LRCH3: variants seen among roughly 807,000 people sequenced by gnomAD.
LRCH3 encodes leucine rich repeats and calponin homology domain containing 3.
Under a neutral mutation model 104.5 loss-of-function variants are expected in LRCH3, and 68 were observed. That is an observed-to-expected ratio of 0.65 (90% CI 0.54 to 0.80). The LOEUF (loss-of-function observed/expected upper bound fraction) is 0.80, where lower values mean the gene tolerates loss of function less well. Among genes scored for constraint, LRCH3 ranks in the 30% least tolerant of loss-of-function variants. LRCH3 has a pLI of 0.00. For missense variants in LRCH3, 951 were observed against 953.9 expected (o/e 1.00, Z 0.04); for synonymous variants, 344 against 361.3 (o/e 0.95, Z 0.54).
At chr3:197,821,729 C>T (rs1734513552) in intron 4 of LRCH3, among the ~76,000 whole-genome samples, 1 of 152,232 alleles carries the variant, frequency 6.6e-6, no homozygotes, top group Non-Finnish European at 1.5e-5. Flanking sequence ...GGCTAGAGTG[C>T]AGTGGCACGA....
chr3:197,817,360 G>GTGTGTGTTTATATATATA, intron 3 of LRCH3, 58 bp downstream of exon 3: 1 of 77,940 alleles, frequency 1.3e-5, no homozygotes, highest in Non-Finnish European at 1.8e-5. Flanking sequence ...GTGTGTGTGT[G>GTGTGTGTTTATATATATA]TATATATATA....
intron 1 of LRCH3, among the ~76,000 whole-genome samples, chr3:197,792,640 T>TA (rs58178290): frequency 9.4e-6 from 1 of 106,008 alleles, no homozygotes; most frequent in East Asian, 2.8e-4. Context: ...CATATAAATA[T>TA]TATATATAAA....
chr3:197,882,530 A>G (rs868774262), intron 20 of LRCH3: 1 of 943,244 alleles, frequency 1.1e-6, no homozygotes, highest in Middle Eastern at 5.5e-4. Flanking sequence ...AACAAAAAAC[A>G]AAAAACAAAA....
intron 1 of LRCH3, among the ~76,000 whole-genome samples, chr3:197,804,658 C>A (rs988906588): frequency 6.6e-6 from 1 of 152,168 alleles, no homozygotes; most frequent in Non-Finnish European, 1.5e-5. Flanking sequence ...AAGACTGTTA[C>A]TTGCTCAGCT....
At chr3:197,833,366 A>G (rs546073426) in intron 8 of LRCH3, among the ~76,000 whole-genome samples, 12 of 32,500 alleles carry the variant, frequency 3.7e-4, no homozygotes, top group African/African-American at 1.6e-3. Flanking sequence ...CTAAAAACCG[A>G]AAAAAAAAAA....
At chr3:197,864,713 T>C (rs1238832362) in intron 15 of LRCH3, among the ~76,000 whole-genome samples, 13 of 148,820 alleles carry the variant, frequency 8.7e-5, no homozygotes, top group South Asian at 4.2e-4. Context: ...CTTCTTCTTT[T>C]TTTTTTTTTT....
At chr3:197,793,749 G>T (rs1730885025) in intron 1 of LRCH3, among the ~76,000 whole-genome samples, 1 of 151,976 alleles carries the variant, frequency 6.6e-6, no homozygotes, top group Non-Finnish European at 1.5e-5. Context: ...TTTTTTGTTG[G>T]TTGATTTTTC....
chr3:197,831,004 C>G, intron 7 of LRCH3, 141 bp downstream of exon 7: 1 of 668,926 alleles, frequency 1.5e-6, no homozygotes, highest in East Asian at 2.9e-5. Context: ...GATTCCCACC[C>G]TCTCCAGCAG....
At chr3:197,880,151 T>C (rs1448140926) in intron 20 of LRCH3, among the ~76,000 whole-genome samples, 6 of 151,416 alleles carry the variant, frequency 4.0e-5, no homozygotes, top group African/African-American at 4.9e-5. Flanking sequence ...TTCACCGTGT[T>C]AGCCGGGATG....
chr3:197,887,876 T>G lies in LRCH3; in HGVS notation c.*4210T>G, dbSNP rs1156878961. 1 of 153,948 alleles carries G rather than the reference T, an allele frequency of 6.5e-6. No homozygotes were observed. The highest frequency in any genetic ancestry group is 1.5e-5 in the Non-Finnish European group (1 of 68,852). 9.5% of individuals were successfully genotyped at this position (153,948 alleles called of 1,614,324 possible). ...GAGCCCTTGCCACGTACAGAGATTTTCTGTCAGCAGTTTCCCAGTATTTCA... is the reference window on the plus strand; with the variant it reads ...GAGCCCTTGCCACGTACAGAGATTTGCTGTCAGCAGTTTCCCAGTATTTCA... On this transcript the variant is annotated 3_prime_UTR_variant, in exon 21 of 21. Transcript: ENST00000425562.
At chr3:197,820,148 G>A (rs1386361951) in intron 3 of LRCH3, among the ~76,000 whole-genome samples, 177 bp from the exon 4 acceptor site, 2 of 152,104 alleles carry the variant, frequency 1.3e-5, no homozygotes, top group Admixed American at 1.3e-4. Flanking sequence ...TCAGAATTAT[G>A]GTATTCTGAA....
intron 2 of LRCH3, among the ~76,000 whole-genome samples, chr3:197,816,770 A>G (rs1299536444): frequency 1.3e-5 from 2 of 152,182 alleles, no homozygotes; most frequent in Admixed American, 6.6e-5. Flanking sequence ...GAAGTAGATT[A>G]TAAGTTTTGT....
In LRCH3 at chr3:197,817,300, C is replaced by A; in HGVS notation, c.532C>A (p.Leu178Ile). 1.3e-6 allele frequency: 2 copies of A among 1,554,734 alleles called. No individual in the cohort carries two copies. Among genetic ancestry groups the A allele is most frequent in the Middle Eastern group, 1.7e-4 (1 of 5,834 alleles). ...EIGHLRHLMELDVSCNEIQTI... is the reference protein window; with the variant it reads ...EIGHLRHLMEIDVSCNEIQTI... Reference sequence around the variant, plus strand: ...TGGACACCTTAGACATTTGATGGAACTTGTAAGTTAATATTTTTGATTGTC... The same window carrying A: ...TGGACACCTTAGACATTTGATGGAAATTGTAAGTTAATATTTTTGATTGTC... Residue 178 changes from leucine (L) to isoleucine (I), a missense_variant and splice_region_variant, in exon 3 of 21, where the codon CTT (leucine) becomes ATT (isoleucine). Coordinates refer to ENST00000425562, the MANE Select transcript of LRCH3 (RefSeq NM_001365715.1).
intron 4 of LRCH3, among the ~76,000 whole-genome samples, chr3:197,823,687 A>G (rs1734763339): frequency 6.6e-6 from 1 of 151,394 alleles, no homozygotes. Flanking sequence ...CAAGGGTCTC[A>G]CCATGTTCCC....
chr3:197,831,565 G>A (rs994786208), intron 7 of LRCH3, among the ~76,000 whole-genome samples: 3 of 151,282 alleles, frequency 2.0e-5, no homozygotes, highest in Non-Finnish European at 4.4e-5. Context: ...TGGTGGGTGG[G>A]TTCATAAATG....
chr3:197,837,634 A>G (rs1737021784), intron 9 of LRCH3, among the ~76,000 whole-genome samples: 2 of 152,196 alleles, frequency 1.3e-5, no homozygotes, highest in African/African-American at 2.4e-5. Context: ...TCACATACAT[A>G]GACCATTCCT....
chr3:197,833,424 G>T (rs1364083286), intron 8 of LRCH3, among the ~76,000 whole-genome samples: 1 of 123,900 alleles, frequency 8.1e-6, no homozygotes, highest in Non-Finnish European at 1.6e-5. Flanking sequence ...TGTAATCCCA[G>T]CTACTCGGGA....
intron 15 of LRCH3, among the ~76,000 whole-genome samples, chr3:197,865,149 G>A (rs546308736): frequency 6.6e-6 from 1 of 152,154 alleles, no homozygotes; most frequent in Admixed American, 6.6e-5. Context: ...CACAATGCCT[G>A]ACCAATTTTT....
rs752579714 is a variant in LRCH3 at position 197,883,529 on chromosome 3, T to C, written c.2209-12T>C. On this transcript the variant is annotated splice_polypyrimidine_tract_variant and intron_variant, in intron 20 of 20. Coordinates refer to ENST00000425562, the MANE Select transcript of LRCH3 (RefSeq NM_001365715.1). This position sits in a 1 kb window ranked among gnomAD's most constrained non-coding sequence, Gnocchi z 4.2. ...TTTTTTGTTTGTTTTCATGTTACGT[T>C]GTCCCTTTCAGGAGCAATTATGTTT... 6.5e-7 allele frequency: 1 copy of C among 1,534,108 alleles called. No individual in the cohort carries two copies. The highest frequency in any genetic ancestry group is 8.7e-7 in the Non-Finnish European group (1 of 1,146,198).
Sources: allele counts gnomAD v4.1 joint callset (sites outside exome capture counted in the v4.1 genomes callset), GRCh38; gene constraint gnomAD v4.1.1; non-coding constraint Gnocchi (gnomAD v3.1); transcripts MANE v1.5; gene names NCBI Gene and HGNC (gene_info 2026-07-23, HGNC 2026-07-21).